TJP3: variants seen among roughly 807,000 people sequenced by gnomAD.
TJP3 encodes the protein tight junction protein 3.
In TJP3, 85 loss-of-function variants were observed where a neutral mutation model predicts 104.2. The ratio of observed to expected loss-of-function variants is 0.82; its 90% CI spans 0.68 to 0.98. TJP3 has a LOEUF of 0.98. Among genes scored for constraint, TJP3 ranks in the 50% least tolerant of loss-of-function variants. TJP3 has a pLI of 0.00. For missense variants in TJP3, 1,367 were observed against 1,322.8 expected, an observed-to-expected ratio of 1.03 and a Z score of -0.52; for synonymous variants, 550 against 550.6, an observed-to-expected ratio of 1.00 and a Z score of 0.02.
At chr19:3,710,028 A>G (rs1465557306) in intron 1 of TJP3, among the ~76,000 whole-genome samples, 1 of 151,832 alleles carries the variant, frequency 6.6e-6, no homozygotes, top group African/African-American at 2.4e-5. Context: ...AAGCACTTGT[A>G]ATCCCAGCTA....
Position 3,740,680 on chromosome 19 carries a change from C to T in TJP3, c.1760C>T (p.Thr587Ile). ...LRGLRRGAKK[T>I]TQRSREDLSA... ...GGTCTTCGTCGAGGAGCCAAGAAGA[C>T]CACTCAGCGGAGCCGTGAGGACCTC... The change falls in exon 14 of 21, where the codon ACC (threonine) becomes ATC (isoleucine). Residue 587 changes from threonine (T) to isoleucine (I), a missense_variant. Transcript: ENST00000541714. The T allele has an allele frequency of 6.2e-7, 1 of 1,607,232 alleles. No homozygotes were observed. Among genetic ancestry groups the T allele is most frequent in the Non-Finnish European group, 8.5e-7 (1 of 1,177,522 alleles).
At chr19:3,732,509 TGTTTC>T (rs901897932) in intron 6 of TJP3, among the ~76,000 whole-genome samples, 2 of 149,088 alleles carry the variant, frequency 1.3e-5, no homozygotes, top group Admixed American at 1.4e-4. Flanking sequence ...AAAAGTTATC[TGTTTC>T]TTTTTTTTTT....
intron 20 of TJP3, 23 bp from the exon 21 acceptor site, chr19:3,750,559 C>T: frequency 6.4e-7 from 1 of 1,567,280 alleles, no homozygotes; most frequent in Admixed American, 1.8e-5. Context: ...CCCACAGCAT[C>T]TATTCTATTT....
Position 3,735,597 on chromosome 19 carries a change from G to T in TJP3, c.1018G>T (p.Val340Leu). Residue 340 changes from valine (V) to leucine (L), a missense_variant, in exon 9 of 21, where the codon GTA (valine) becomes TTA (leucine). Transcript: ENST00000541714. ...TCCCCGGCTTCGGCGGGAAAGTTCA[G>T]TAGATTCCAGAACCATCTCGGAACC... is the stretch of plus-strand genomic sequence containing the variant. ...ESPRLRRESS[V>L]DSRTISEPDE... is the part of the protein sequence containing the mutation. The T allele has an allele frequency of 2.5e-6, 4 of 1,614,218 alleles. No homozygotes were observed. In the Middle Eastern group the frequency reaches 4.9e-4, roughly 200 times the overall value.
At chr19:3,715,750 C>A (rs566045314) in intron 1 of TJP3, among the ~76,000 whole-genome samples, 9 of 152,210 alleles carry the variant, frequency 5.9e-5, no homozygotes, top group African/African-American at 9.6e-5. Context: ...GCCAGGAGAA[C>A]CTTCCAGGTT....
intron 1 of TJP3, among the ~76,000 whole-genome samples, chr19:3,716,150 G>T (rs971144230): frequency 6.9e-6 from 1 of 145,658 alleles, no homozygotes; most frequent in Admixed American, 6.9e-5. Flanking sequence ...TCAGATCACT[G>T]CGACCTCTGC....
In TJP3 at chr19:3,716,996, G is replaced by A. The variant is rs573227739; in HGVS notation, c.-10+8435G>A. On this transcript the variant is annotated intron_variant, in intron 1 of 20. Coordinates refer to ENST00000541714, the MANE Select transcript of TJP3 (RefSeq NM_001267560.2). ...TTTTTTTTTTTTGAGACGGAGTTTCGCTCTTGTTGCCCAGGCTGGAGTGCA... is the reference window on the plus strand; with the variant it reads ...TTTTTTTTTTTTGAGACGGAGTTTCACTCTTGTTGCCCAGGCTGGAGTGCA... Among the ~76,000 whole-genome samples the A allele has an allele frequency of 4.3e-5, 5 of 115,384 alleles. 1 individual carries two copies. The South Asian group carries it at 1.5e-3, about 35-fold the overall frequency. The allele number at this position is 115,384 out of a possible 152,430, so 75.7% of individuals were successfully genotyped here.
intron 1 of TJP3, among the ~76,000 whole-genome samples, chr19:3,712,735 G>T (rs2036444324): frequency 6.6e-6 from 1 of 152,060 alleles, no homozygotes; most frequent in Non-Finnish European, 1.5e-5. Context: ...GATCGCATGA[G>T]CCCAGCAGTT....
intron 19 of TJP3, among the ~76,000 whole-genome samples, chr19:3,748,525 C>T (rs1408838773): frequency 6.6e-6 from 1 of 151,404 alleles, no homozygotes; most frequent in Non-Finnish European, 1.5e-5. Context: ...GCCTTGGCCT[C>T]CCAAAGTGCT....
At position 3,736,326 on chromosome 19, in the gene TJP3, T is replaced by G; in HGVS notation, c.1284+5T>G. Reference sequence around the variant, plus strand: ...GAGGGAGATCAGATTCTGCAGGTGCTCCGGGGGCGGCTGGCCAGCCCCACT... The same window carrying G: ...GAGGGAGATCAGATTCTGCAGGTGCGCCGGGGGCGGCTGGCCAGCCCCACT... On this transcript the variant is annotated splice_donor_5th_base_variant and intron_variant, in intron 11 of 20. Transcript: ENST00000541714. 5 of 1,522,942 alleles carry G rather than the reference T, an allele frequency of 3.3e-6. No homozygotes were observed. The highest frequency in any genetic ancestry group is 4.4e-6 in the Non-Finnish European group (5 of 1,136,482). 94.3% of individuals were successfully genotyped at this position (1,522,942 alleles called of 1,614,324 possible).
At chr19:3,713,181 C>T (rs889964245) in intron 1 of TJP3, among the ~76,000 whole-genome samples, 1 of 152,092 alleles carries the variant, frequency 6.6e-6, no homozygotes, top group Non-Finnish European at 1.5e-5. Flanking sequence ...CTAGAATCTG[C>T]CCTTCCTCAA....
chr19:3,713,222 C>T (rs546343141), intron 1 of TJP3, among the ~76,000 whole-genome samples: 1 of 152,204 alleles, frequency 6.6e-6, no homozygotes, highest in Admixed American at 6.5e-5. Context: ...ACCCACAGAC[C>T]GGGGCGTCTC....
chr19:3,743,275 TAAATA>T (rs1043231502), intron 14 of TJP3, among the ~76,000 whole-genome samples: 2 of 150,806 alleles, frequency 1.3e-5, no homozygotes, highest in East Asian at 1.9e-4. Flanking sequence ...AAAAAAAAAG[TAAATA>T]AAATAAAAGA....
intron 8 of TJP3, among the ~76,000 whole-genome samples, 180 bp downstream of exon 8, chr19:3,734,615 G>C (rs943364109): frequency 2.0e-5 from 3 of 152,174 alleles, no homozygotes; most frequent in African/African-American, 7.2e-5. Flanking sequence ...AGCCGTGTCC[G>C]CATTTGTAGG....
chr19:3,742,781 C>A (rs542567059), intron 14 of TJP3, among the ~76,000 whole-genome samples: 71 of 149,140 alleles, frequency 4.8e-4, no homozygotes, highest in East Asian at 3.1e-3. Context: ...GCCTGGCCAA[C>A]GTGGTGAAAC....
At position 3,730,078 on chromosome 19, in the gene TJP3, C is replaced by T. The variant is rs144563927; in HGVS notation, c.209C>T (p.Thr70Ile). Residue 70 changes from threonine (T) to isoleucine (I), a missense_variant, in exon 4 of 21, where the codon ACC becomes ATC. By Grantham distance (89) the Thr-to-Ile change is moderately conservative. Transcript: ENST00000541714. The surrounding 1 kb of genome is among the most constrained non-coding windows in gnomAD (Gnocchi z 7.3). ...AACGGGGTTTCCATGGAGAATGCCA[C>T]CTCCGCGTTTGCCATTCAGATACTC... Reference protein sequence around the residue: ...MVNGVSMENATSAFAIQILKT... With the variant: ...MVNGVSMENAISAFAIQILKT... 11 of 1,614,150 alleles carry T rather than the reference C, an allele frequency of 6.8e-6. No homozygotes were observed. The South Asian group carries it at 8.8e-5, about 13-fold the overall frequency.
At chr19:3,723,067 C>T (rs1441988246) in intron 1 of TJP3, among the ~76,000 whole-genome samples, 4 of 152,204 alleles carry the variant, frequency 2.6e-5, no homozygotes, top group Non-Finnish European at 4.4e-5. Flanking sequence ...ACCTGTTGAG[C>T]ACCTGGCCAC....
intron 19 of TJP3, among the ~76,000 whole-genome samples, chr19:3,748,571 T>G (rs2036939622): frequency 1.4e-5 from 2 of 140,652 alleles, no homozygotes; most frequent in South Asian, 4.5e-4. Flanking sequence ...CCCAGGCTTT[T>G]TTTTTTTTTT....
At chr19:3,723,994 G>A (rs575955018) in intron 1 of TJP3, among the ~76,000 whole-genome samples, 1 of 151,796 alleles carries the variant, frequency 6.6e-6, no homozygotes, top group Non-Finnish European at 1.5e-5. Flanking sequence ...GGACAGATGG[G>A]GTAAAGGTTT....
Sources: allele counts gnomAD v4.1 joint callset (sites outside exome capture counted in the v4.1 genomes callset), GRCh38; gene constraint gnomAD v4.1.1; non-coding constraint Gnocchi (gnomAD v3.1); transcripts MANE v1.5; gene names NCBI Gene and HGNC (gene_info 2026-07-23, HGNC 2026-07-21).